The following HEPHL1 variants were observed in gnomAD, a reference collection of about 807,000 sequenced individuals.
HEPHL1 encodes hephaestin like 1.
HEPHL1 carries 123 observed loss-of-function variants against 122.0 expected under a neutral mutation model. The ratio of observed to expected loss-of-function variants is 1.01; its 90% confidence interval spans 0.87 to 1.17. The LOEUF (loss-of-function observed/expected upper bound fraction) is 1.17. Among genes scored for constraint, HEPHL1 ranks in the 50% most tolerant of loss-of-function variants. HEPHL1 has a pLI of 0.00. For synonymous variants in HEPHL1, 527 were observed against 508.9 expected (o/e 1.04, Z -0.48); for missense variants, 1,452 against 1,430.5 (o/e 1.01, Z -0.24).
At chr11:94,055,172 T>C in intron 2 of HEPHL1, 1 of 224,788 alleles carries the variant, frequency 4.4e-6, no homozygotes, top group Non-Finnish European at 9.0e-6. Flanking sequence ...GAATTGGCAC[T>C]CAGCTCAGCT....
In HEPHL1 at chr11:94,082,484, G is replaced by A. The variant is rs763104825; in HGVS notation, c.1783G>A (p.Asp595Asn). 6 of 1,612,716 alleles carry A rather than the reference G, an allele frequency of 3.7e-6. No homozygotes were observed. The highest frequency in any genetic ancestry group is 1.1e-5 in the South Asian group (1 of 91,022). ...TGATGAGAATCTGAGCAGATATTTT[G>A]ATGAAAACATTCAGAAGTTTATCTG... ...VFDENLSRYF[D>N]ENIQKFIWHP... Residue 595 changes from aspartate to asparagine, a missense_variant, in exon 10 of 20, where the codon GAT becomes AAT. Transcript: ENST00000315765.
At chr11:94,059,982 C>G (rs1945971055) in intron 2 of HEPHL1, among the ~76,000 whole-genome samples, 1 of 151,696 alleles carries the variant, frequency 6.6e-6, no homozygotes, top group African/African-American at 2.4e-5. Flanking sequence ...AACTCCTGAA[C>G]CTCTGTATAT....
At chr11:94,070,577 G>C in intron 6 of HEPHL1, 35 bp downstream of exon 6, 1 of 1,540,028 alleles carries the variant, frequency 6.5e-7, no homozygotes. Context: ...TAAGCCTCTC[G>C]TCAGAGAAGC....
intron 12 of HEPHL1, among the ~76,000 whole-genome samples, chr11:94,090,767 A>C (rs1166751739): frequency 2.0e-5 from 3 of 152,152 alleles, no homozygotes; most frequent in Non-Finnish European, 4.4e-5. Context: ...CCTTTGTCCC[A>C]TGGCCATGGT....
rs1354794587 is a variant in HEPHL1, at chr11:94,045,915, A to G, written c.413A>G (p.Glu138Gly). ...PHGVFYNKDS[E>G]GALYPDGTSG... ...GGCGTTTTCTACAACAAAGATTCAGAAGGTAAATATCAATCCTTTATTACT... is the reference window on the plus strand; with the variant it reads ...GGCGTTTTCTACAACAAAGATTCAGGAGGTAAATATCAATCCTTTATTACT... The change falls in exon 2 of 20, where the codon GAA becomes GGA. Residue 138 changes from glutamate (E) to glycine (G), a missense_variant and splice_region_variant. Coordinates refer to ENST00000315765, the MANE Select transcript of HEPHL1 (RefSeq NM_001098672.2). 6.2e-7 allele frequency: 1 copy of G among 1,613,502 alleles called. No homozygotes were observed. The highest frequency in any genetic ancestry group is 1.6e-4 in the Middle Eastern group (1 of 6,080).
intron 12 of HEPHL1, among the ~76,000 whole-genome samples, chr11:94,093,095 CGTGTAT>C (rs751690440): frequency 2.6e-4 from 27 of 102,038 alleles, no homozygotes; most frequent in Admixed American, 1.1e-3. Context: ...AGAGGGTGGA[CGTGTAT>C]GTGTGTGTGT....
chr11:94,063,454 ATC>A, intron 2 of HEPHL1, 52 bp from the exon 3 acceptor site: 1 of 1,368,302 alleles, frequency 7.3e-7, no homozygotes, highest in South Asian at 1.3e-5. Flanking sequence ...ATAGCATGTG[ATC>A]TCTCTGTTTT....
At chr11:94,089,004 G>C (rs1414450056) in intron 12 of HEPHL1, 36 bp downstream of exon 12, 2 of 1,574,392 alleles carry the variant, frequency 1.3e-6, no homozygotes, top group Non-Finnish European at 1.7e-6. Context: ...TCCTCGGTGG[G>C]ATCGCGCATG....
chr11:94,079,838 T>C (rs1466843329), intron 9 of HEPHL1, among the ~76,000 whole-genome samples: 1 of 152,086 alleles, frequency 6.6e-6, no homozygotes, highest in Non-Finnish European at 1.5e-5. Flanking sequence ...CTCCAGAGCA[T>C]GCAGCAGGAT....
intron 1 of HEPHL1, 139 bp from the exon 2 acceptor site, chr11:94,045,534 C>T (rs983238546): frequency 1.5e-5 from 10 of 685,302 alleles, no homozygotes; most frequent in Non-Finnish European, 2.4e-5. Flanking sequence ...GGATAATCTT[C>T]CGAGCCCTAC....
intron 8 of HEPHL1, 114 bp downstream of exon 8, chr11:94,073,553 G>A: frequency 9.9e-7 from 1 of 1,005,172 alleles, no homozygotes; most frequent in South Asian, 1.7e-5. Flanking sequence ...GAGAGCTTGG[G>A]CAATCACTTA....
intron 2 of HEPHL1, among the ~76,000 whole-genome samples, chr11:94,051,061 G>A (rs1220417588): frequency 1.3e-5 from 2 of 152,112 alleles, no homozygotes; most frequent in Non-Finnish European, 2.9e-5. Flanking sequence ...TATTGACACA[G>A]TTTGCTTCCA....
At chr11:94,093,971 G>GATAGATATATATATATATATATATATAT (rs71036310) in intron 13 of HEPHL1, among the ~76,000 whole-genome samples, 3 of 72,766 alleles carry the variant, frequency 4.1e-5, no homozygotes, top group African/African-American at 9.8e-5. Context: ...TCCTCCAGCA[G>GATAGATATATATATATATATATATATAT]ATATATATAT....
chr11:94,094,238 A>G (rs902542464), intron 13 of HEPHL1, among the ~76,000 whole-genome samples: 8 of 151,538 alleles, frequency 5.3e-5, no homozygotes, highest in African/African-American at 1.7e-4. Flanking sequence ...TATGAGTGAG[A>G]ACATGTGGTG....
In HEPHL1 at chr11:94,031,235, C is replaced by T. The variant is rs183887192; in HGVS notation, c.170+9697C>T. Among the ~76,000 whole-genome samples the T allele has an allele frequency of 1.1e-3, 168 of 152,076 alleles. 1 individual carries two copies. The highest frequency in any genetic ancestry group is 3.8e-3 in the African/African-American group (159 of 41,502). On this transcript the variant is annotated intron_variant, in intron 1 of 19. Transcript: ENST00000315765. ...GTAAACTTCTCCTCCGTCCTCCCTC[C>T]CACCTGTGGCTTCAGTCTCATAGTC...
intron 2 of HEPHL1, 25 bp from the exon 3 acceptor site, chr11:94,063,483 T>C: frequency 6.5e-7 from 1 of 1,530,798 alleles, no homozygotes; most frequent in Non-Finnish European, 8.9e-7. Context: ...GTTTTACCTT[T>C]TTTTTTAATT....
intron 1 of HEPHL1, among the ~76,000 whole-genome samples, chr11:94,030,989 A>G (rs1945670167): frequency 6.6e-6 from 1 of 152,174 alleles, no homozygotes; most frequent in Admixed American, 6.5e-5. Flanking sequence ...CCAGAGGCCA[A>G]TCCCCTTGCA....
At chr11:94,091,470 C>A (rs1360662644) in intron 12 of HEPHL1, among the ~76,000 whole-genome samples, 2 of 152,180 alleles carry the variant, frequency 1.3e-5, no homozygotes, top group Non-Finnish European at 2.9e-5. Flanking sequence ...AAGAAAAGTT[C>A]TCTTCCCTTG....
intron 17 of HEPHL1, among the ~76,000 whole-genome samples, chr11:94,106,449 C>T (rs903854642): frequency 4.6e-5 from 7 of 151,894 alleles, no homozygotes; most frequent in African/African-American, 7.3e-5. Context: ...TGTCCCACCA[C>T]GCCTGGCTAA....
Sources: allele counts gnomAD v4.1 joint callset (sites outside exome capture counted in the v4.1 genomes callset), GRCh38; gene constraint gnomAD v4.1.1; transcripts MANE v1.5; gene names NCBI Gene and HGNC (gene_info 2026-07-23, HGNC 2026-07-21).